The following MORC2 variants were observed in gnomAD, a reference collection of about 807,000 sequenced individuals.
The protein encoded by MORC2 is ATPase MORC2.
In MORC2, 30 loss-of-function variants were observed where a neutral mutation model predicts 136.0. The observed-to-expected ratio is 0.22, with a 90% CI of 0.17 to 0.30. The LOEUF is 0.30. MORC2 is among the 10% of genes least tolerant of loss of function. MORC2 has a pLI of 1.00. For synonymous variants in MORC2, 439 were observed against 487.0 expected (o/e 0.90, Z 1.30); for missense variants, 922 against 1,333.1 (o/e 0.69, Z 4.80).
chr22:30,932,496 C>G lies in MORC2; in HGVS notation c.2748-44G>C, dbSNP rs764596581. On this transcript the variant is annotated intron_variant, in intron 23 of 25. Coordinates refer to ENST00000397641, the MANE Select transcript of MORC2 (RefSeq NM_001303256.3). This position sits in a 1 kb window ranked among gnomAD's most constrained non-coding sequence, Gnocchi z 4.4. Reference sequence around the variant, plus strand: ...GTAATTCAGAATGGCATGGAGCAGGCAGAGAGCTGCTGCTGGCCCTGGGGT... The same window carrying G: ...GTAATTCAGAATGGCATGGAGCAGGGAGAGAGCTGCTGCTGGCCCTGGGGT... 8 of 1,610,788 alleles carry G rather than the reference C, an allele frequency of 5.0e-6. No individual in the cohort carries two copies. The African/African-American group carries it at 1.1e-4, about 22-fold the overall frequency.
At chr22:30,967,263 A>T in intron 1 of MORC2, 1 of 986,584 alleles carries the variant, frequency 1.0e-6, no homozygotes, top group Non-Finnish European at 1.2e-6. Context: ...AGACTATCTA[A>T]ATAGAGATAT....
At chr22:30,940,976 T>A in intron 9 of MORC2, 139 bp from the exon 10 acceptor site, 1 of 756,358 alleles carries the variant, frequency 1.3e-6, no homozygotes, top group Admixed American at 2.0e-5. Context: ...AAATCCAAGC[T>A]CAATTCAGCA....
intron 1 of MORC2, among the ~76,000 whole-genome samples, chr22:30,963,881 C>T (rs1353163481): frequency 6.6e-6 from 1 of 152,138 alleles, no homozygotes; most frequent in Admixed American, 6.5e-5. Context: ...CCTAGACGTG[C>T]TGACAATAGG....
At chr22:30,936,362 G>A (rs889551992) in intron 17 of MORC2, 149 bp downstream of exon 17, 1 of 988,966 alleles carries the variant, frequency 1.0e-6, no homozygotes, top group Admixed American at 2.4e-5. Flanking sequence ...ACGTGGACCT[G>A]GAGGTTGGGG....
chr22:30,944,716 A>G (rs1301954414), intron 6 of MORC2, among the ~76,000 whole-genome samples: 1 of 152,182 alleles, frequency 6.6e-6, no homozygotes, highest in Non-Finnish European at 1.5e-5. Flanking sequence ...AGAACCTATG[A>G]GTCATCCATG....
At chr22:30,958,997 T>A (rs2041005986) in intron 1 of MORC2, 1 of 226,768 alleles carries the variant, frequency 4.4e-6, no homozygotes, top group African/African-American at 2.3e-5. Flanking sequence ...ACTATTCATA[T>A]CCTGCCTAGA....
At chr22:30,943,312 G>A (rs1472629803) in intron 6 of MORC2, among the ~76,000 whole-genome samples, 2 of 152,118 alleles carry the variant, frequency 1.3e-5, no homozygotes, top group Admixed American at 6.5e-5. Context: ...CAGTTCCTTC[G>A]GGGGCACAAG....
At chr22:30,963,792 TCTCC>T (rs749381368) in intron 1 of MORC2, among the ~76,000 whole-genome samples, 1 of 152,150 alleles carries the variant, frequency 6.6e-6, no homozygotes, top group African/African-American at 2.4e-5. Context: ...AGGAAAATGG[TCTCC>T]CTATTTACAT....
At chr22:30,958,814 T>A in intron 1 of MORC2, 120 bp from the exon 2 acceptor site, 1 of 857,914 alleles carries the variant, frequency 1.2e-6, no homozygotes, top group Non-Finnish European at 1.8e-6. Flanking sequence ...ACCATTTGCA[T>A]TGTTTTTATA....
chr22:30,949,751 C>A lies in MORC2; in HGVS notation c.317+1G>T. 6.2e-7 allele frequency: 1 copy of A among 1,613,446 alleles called. No individual in the cohort carries two copies. Among genetic ancestry groups the A allele is most frequent in the African/African-American group, 1.3e-5 (1 of 75,014 alleles). The stretch of plus-strand genomic sequence containing the variant: ...CTGTGACAAGCTTCTAATATACCTA[C>A]GATTTTAACCCATTCCCGTACTGCC... On this transcript the variant is annotated splice_donor_variant, in intron 5 of 25. Transcript: ENST00000397641. LOFTEE classifies it high-confidence loss of function.
chr22:30,940,787 A>G lies in MORC2; in HGVS notation c.875T>C (p.Val292Ala). The change falls in exon 10 of 26, where the codon GTG becomes GCG. Residue 292 changes from valine (V) to alanine (A), a missense_variant. Val to Ala is a moderately conservative substitution (Grantham distance 64). Around this residue, in one of 9 missense-constraint regions of MORC2, gnomAD observed 261 missense variants for 354.3 expected, o/e 0.74. Coordinates refer to ENST00000397641, the MANE Select transcript of MORC2 (RefSeq NM_001303256.3). Reference protein sequence around the residue: ...SRFKTRAEQEVKKAEHVARIA... With the variant: ...SRFKTRAEQEAKKAEHVARIA... ...CCTTGCTACGTGCTCTGCTTTCTTC[A>G]CCTCCTGCTCCGCACGGGTCTTGAA... The G allele has an allele frequency of 6.2e-7, 1 of 1,613,670 alleles. No individual in the cohort carries two copies. The highest frequency in any genetic ancestry group is 2.2e-5 in the East Asian group (1 of 44,836).
intron 5 of MORC2, among the ~76,000 whole-genome samples, chr22:30,948,278 G>A (rs2040846380): frequency 6.6e-6 from 1 of 152,204 alleles, no homozygotes; most frequent in South Asian, 2.1e-4. Flanking sequence ...GAACCAGGTA[G>A]GAGGAGGCTG....
intron 3 of MORC2, among the ~76,000 whole-genome samples, chr22:30,951,626 G>A (rs2040887713): frequency 6.6e-6 from 1 of 152,186 alleles, no homozygotes; most frequent in Non-Finnish European, 1.5e-5. Context: ...GCCCAAGGCT[G>A]CTCTGCAGCC....
In MORC2 at chr22:30,959,769, A is replaced by G. The variant is rs1328610096; in HGVS notation, c.69-1075T>C. ...AGTTTCAGCCAAAGTAAAAAGTTTC[A>G]GCCAATTTTCAGTTAAAGTAAGAAT... On this transcript the variant is annotated intron_variant, in intron 1 of 25. Coordinates refer to ENST00000397641, the MANE Select transcript of MORC2 (RefSeq NM_001303256.3). Among the ~76,000 whole-genome samples, 3 of 152,356 alleles carry G rather than the reference A, an allele frequency of 2.0e-5. No individual in the cohort carries two copies. In the East Asian group the frequency reaches 5.8e-4, roughly 29 times the overall value.
At chr22:30,967,255 A>T in intron 1 of MORC2, 1 of 986,222 alleles carries the variant, frequency 1.0e-6, no homozygotes, top group Non-Finnish European at 1.2e-6. Flanking sequence ...TTGGGGAAAG[A>T]CTATCTAAAT....
chr22:30,928,345 A>T, intron 24 of MORC2, 138 bp from the exon 25 acceptor site: 1 of 773,260 alleles, frequency 1.3e-6, no homozygotes, highest in South Asian at 1.7e-5. Flanking sequence ...ACAAAGGGCA[A>T]ACAGCCTCTT....
chr22:30,928,283 G>T, intron 24 of MORC2, 76 bp from the exon 25 acceptor site: 1 of 1,447,724 alleles, frequency 6.9e-7, no homozygotes, highest in Non-Finnish European at 9.6e-7. Context: ...TGACACGGGT[G>T]TCTCCAGCCC....
Position 30,935,356 on chromosome 22 carries a change from A to G in MORC2, c.1738-34T>C, listed in dbSNP as rs1480236556. The G allele has an allele frequency of 5.0e-6, 8 of 1,596,084 alleles. No individual in the cohort carries two copies. In the African/African-American group the frequency reaches 1.1e-4, roughly 21 times the overall value. ...CAAACATCATGATGAAGTTGTTTGC[A>G]TATTTTAGTATACTTGAGCAAACTT... On this transcript the variant is annotated intron_variant, in intron 17 of 25. Coordinates refer to ENST00000397641, the MANE Select transcript of MORC2 (RefSeq NM_001303256.3).
rs1042021476 is a variant in MORC2 at position 30,926,187 on chromosome 22, G to A, written c.*616C>T. On this transcript the variant is annotated 3_prime_UTR_variant, in exon 26 of 26. Transcript: ENST00000397641. ...AATCCCTCCTTCAGAAAGAACTTGAGTAGTAGATGAGGTGGTTAGACAGGA... is the reference window on the plus strand; with the variant it reads ...AATCCCTCCTTCAGAAAGAACTTGAATAGTAGATGAGGTGGTTAGACAGGA... The A allele has an allele frequency of 6.6e-6, 1 of 152,204 alleles. No homozygotes were observed. Among genetic ancestry groups the A allele is most frequent in the Non-Finnish European group, 1.5e-5 (1 of 68,040 alleles). 9.4% of individuals were successfully genotyped at this position (152,204 alleles called of 1,614,324 possible). A position where few individuals can be genotyped will look rare whatever the true frequency, so the allele number is the denominator to read the frequency against.
Sources: gnomAD v4.1 joint callset for allele counts (sites outside exome capture counted in the v4.1 genomes callset) on GRCh38, gnomAD v4.1.1 for gene constraint, gnomAD v4.1.1 regional missense constraint, Gnocchi (gnomAD v3.1) non-coding constraint, MANE v1.5 for transcripts, NCBI Gene and HGNC (gene_info 2026-07-23, HGNC 2026-07-21) for gene names.